GPR107: variants seen among roughly 807,000 people sequenced by gnomAD.
GPR107 encodes protein GPR107.
A neutral mutation model predicts 75.5 loss-of-function variants in GPR107; 31 were observed. The observed-to-expected ratio is 0.41, with a 90% CI of 0.31 to 0.55. The LOEUF (loss-of-function observed/expected upper bound fraction) is 0.55, where lower values mean the gene tolerates loss of function less well. Among genes scored for constraint, GPR107 ranks in the 20% least tolerant of loss-of-function variants. The pLI, the probability that GPR107 is intolerant of heterozygous loss-of-function variation, is 0.26. For missense variants in GPR107, 572 were observed against 665.7 expected, an observed-to-expected ratio of 0.86 and a Z score of 1.55; for synonymous variants, 267 against 251.3, an observed-to-expected ratio of 1.06 and a Z score of -0.59.
intron 17 of GPR107, among the ~76,000 whole-genome samples, chr9:130,133,773 C>A (rs1350633063): frequency 6.6e-6 from 1 of 152,184 alleles, no homozygotes; most frequent in African/African-American, 2.4e-5. Flanking sequence ...GCCATAAGTA[C>A]AAATAACCTG....
chr9:130,104,342 T>TAC, intron 12 of GPR107, 78 bp from the exon 13 acceptor site: 1 of 1,364,628 alleles, frequency 7.3e-7, no homozygotes, highest in South Asian at 1.2e-5. Flanking sequence ...GGCCAAGGTG[T>TAC]ACACCCCACA....
In GPR107 at chr9:130,076,782, G is replaced by C. The variant is rs148958632; in HGVS notation, c.306+320G>C. Reference sequence around the variant, plus strand: ...CCCACTGTGGCCTCCCAGAGTGCTAGGACTGCAGGCGTGAGCACCACGCCT... The same window carrying C: ...CCCACTGTGGCCTCCCAGAGTGCTACGACTGCAGGCGTGAGCACCACGCCT... On this transcript the variant is annotated intron_variant, in intron 3 of 17. Coordinates refer to ENST00000347136, the MANE Select transcript of GPR107 (RefSeq NM_020960.5). 5.6e-3 allele frequency among the ~76,000 whole-genome samples: 853 copies of C among 152,270 alleles called. 8 individuals carry two copies. Among genetic ancestry groups the C allele is most frequent in the African/African-American group, 0.019 (805 of 41,564 alleles).
Position 130,100,642 on chromosome 9 carries a change from A to G in GPR107, c.953A>G (p.Tyr318Cys). ...GTTTGATTTCAGATTGACTACCACT[A>G]CATCTCCTCCCAGGGCTTCCCTATC... ...SLVFHAIDYH[Y>C]ISSQGFPIEG... Residue 318 changes from tyrosine (Y) to cysteine (C), a missense_variant, in exon 11 of 18, where the codon TAC becomes TGC. By Grantham distance (194) the Tyr-to-Cys change is radical. Coordinates refer to ENST00000347136, the MANE Select transcript of GPR107 (RefSeq NM_020960.5). 2 of 1,611,896 alleles carry G rather than the reference A, an allele frequency of 1.2e-6. No homozygotes were observed. The highest frequency in any genetic ancestry group is 1.1e-5 in the South Asian group (1 of 91,046).
chr9:130,067,953 C>CAGGCTCAAACTTCTG (rs1200309175), intron 1 of GPR107, among the ~76,000 whole-genome samples: 1 of 151,940 alleles, frequency 6.6e-6, no homozygotes, highest in Admixed American at 6.6e-5. Flanking sequence ...CCATATTGGC[C>CAGGCTCAAACTTCTG]AGGCTCAAAC....
intron 14 of GPR107, among the ~76,000 whole-genome samples, chr9:130,109,804 C>T (rs1419296961): frequency 6.6e-6 from 1 of 150,794 alleles, no homozygotes; most frequent in African/African-American, 2.4e-5. Flanking sequence ...CTCCTGACCT[C>T]GCGATCCACC....
chr9:130,133,518 T>C (rs1398889209), intron 17 of GPR107, among the ~76,000 whole-genome samples: 2 of 152,202 alleles, frequency 1.3e-5, no homozygotes, highest in East Asian at 1.9e-4. Context: ...CAGGGGCTTC[T>C]CTGGCTCATG....
intron 8 of GPR107, among the ~76,000 whole-genome samples, chr9:130,091,485 T>TA (rs559590508): frequency 0.014 from 2,029 of 141,886 alleles, 28 homozygotes; most frequent in Middle Eastern, 0.055. Flanking sequence ...TGTCTCAAAT[T>TA]AAAAAAAAAA....
intron 6 of GPR107, among the ~76,000 whole-genome samples, chr9:130,085,137 G>T (rs1274871542): frequency 6.6e-6 from 1 of 152,178 alleles, no homozygotes; most frequent in African/African-American, 2.4e-5. Context: ...GTTTATTAAA[G>T]ATCATAATTC....
rs1344278321 is a variant in GPR107 at position 130,053,968 on chromosome 9, C to T, written c.36C>T (p.Ser12=). Residue 12 remains serine (S), a synonymous_variant, in exon 1 of 18, where the codon TCC becomes TCT. Transcript: ENST00000347136. ...TGGCGCCCGTCGGCTCCCCCGCCTC[C>T]CGCGGTCCTAGGCTGGCCGCGGGCC... ...AALAPVGSPA[S]RGPRLAAGLR... 1.9e-6 allele frequency: 3 copies of T among 1,555,248 alleles called. No individual in the cohort carries two copies. Among genetic ancestry groups the T allele is most frequent in the Admixed American group, 1.9e-5 (1 of 51,800 alleles).
chr9:130,121,966 C>T (rs1392960842), intron 14 of GPR107, among the ~76,000 whole-genome samples: 2 of 152,046 alleles, frequency 1.3e-5, no homozygotes, highest in East Asian at 3.9e-4. Context: ...TCTCGGCTCA[C>T]TGCAAGCTCT....
intron 1 of GPR107, among the ~76,000 whole-genome samples, chr9:130,070,229 G>A (rs954196854): frequency 3.3e-5 from 5 of 150,058 alleles, no homozygotes; most frequent in South Asian, 4.2e-4. Flanking sequence ...CTTAAAATAC[G>A]GGGCTCAAGT....
At chr9:130,106,884 T>C (rs557041421) in intron 13 of GPR107, among the ~76,000 whole-genome samples, 2 of 152,218 alleles carry the variant, frequency 1.3e-5, no homozygotes, top group East Asian at 3.9e-4. Flanking sequence ...GTCTCTCTGT[T>C]GGTGGCTTTT....
chr9:130,059,471 G>A (rs772992490), intron 1 of GPR107, among the ~76,000 whole-genome samples: 6 of 152,044 alleles, frequency 3.9e-5, no homozygotes, highest in Non-Finnish European at 7.4e-5. Context: ...CTGTGCGATA[G>A]AGTGAGACTC....
chr9:130,118,724 A>T lies in GPR107; in HGVS notation c.1307-6191A>T, dbSNP rs182879843. On this transcript the variant is annotated intron_variant, in intron 14 of 17. Transcript: ENST00000347136. ...TCTTCATAGCCGGGCCTGATTCCCTAAGATGGGCAGGGGCAGGGGCAGCCT... is the reference window on the plus strand; with the variant it reads ...TCTTCATAGCCGGGCCTGATTCCCTTAGATGGGCAGGGGCAGGGGCAGCCT... 4.8e-3 allele frequency among the ~76,000 whole-genome samples: 734 copies of T among 151,434 alleles called. 3 individuals are homozygous for T. The highest frequency in any genetic ancestry group is 7.9e-3 in the Non-Finnish European group (539 of 67,818).
intron 14 of GPR107, among the ~76,000 whole-genome samples, chr9:130,115,454 C>T (rs888046243): frequency 1.4e-5 from 2 of 142,290 alleles, no homozygotes; most frequent in African/African-American, 2.5e-5. Context: ...TGCTCTGGTC[C>T]TTTTTGTTTT....
intron 14 of GPR107, among the ~76,000 whole-genome samples, chr9:130,109,728 C>A (rs1831248607): frequency 6.6e-6 from 1 of 151,914 alleles, no homozygotes; most frequent in African/African-American, 2.4e-5. Context: ...CACCACCACA[C>A]CCAGCTAATG....
At chr9:130,081,083 A>G (rs775169787) in intron 5 of GPR107, among the ~76,000 whole-genome samples, 2 of 152,102 alleles carry the variant, frequency 1.3e-5, no homozygotes, top group African/African-American at 4.8e-5. Context: ...GCGTAGTGGC[A>G]TGTGCCTGTA....
chr9:130,076,858 T>C (rs1346694494), intron 3 of GPR107, among the ~76,000 whole-genome samples: 2 of 151,834 alleles, frequency 1.3e-5, no homozygotes, highest in African/African-American at 4.8e-5. Context: ...TCCAAGCATT[T>C]TTGAGAACCC....
At chr9:130,106,036 T>A (rs1831147849) in intron 13 of GPR107, among the ~76,000 whole-genome samples, 1 of 152,150 alleles carries the variant, frequency 6.6e-6, no homozygotes, top group South Asian at 2.1e-4. Flanking sequence ...GTATCTAACA[T>A]AGGATGTCCA....
Sources: gnomAD v4.1 joint callset for allele counts (sites outside exome capture counted in the v4.1 genomes callset) on GRCh38, gnomAD v4.1.1 for gene constraint, MANE v1.5 for transcripts, NCBI Gene and HGNC (gene_info 2026-07-23, HGNC 2026-07-21) for gene names.